PDZRN4: variants seen among roughly 807,000 people sequenced by gnomAD.
PDZRN4 encodes the protein PDZ domain containing ring finger 4.
In PDZRN4, 70 loss-of-function variants were observed where a neutral mutation model predicts 99.0. That is an observed-to-expected ratio of 0.71 (90% CI 0.58 to 0.86). PDZRN4 has a LOEUF of 0.86. PDZRN4 is among the 40% of genes least tolerant of loss of function. PDZRN4 has a pLI of 0.00. For synonymous variants in PDZRN4, 551 were observed against 501.6 expected (o/e 1.10, Z -1.32); for missense variants, 1,474 against 1,331.2 (o/e 1.11, Z -1.67).
chr12:41,377,173 C>A (rs1306270668), intron 3 of PDZRN4, among the ~76,000 whole-genome samples: 1 of 152,110 alleles, frequency 6.6e-6, no homozygotes, highest in Non-Finnish European at 1.5e-5. Context: ...ATGTCTCCAA[C>A]TTTGTTGTTC....
chr12:41,264,421 TC>T (rs1285333484), intron 3 of PDZRN4, among the ~76,000 whole-genome samples: 2 of 152,190 alleles, frequency 1.3e-5, no homozygotes, highest in Admixed American at 6.5e-5. Flanking sequence ...TTTCTTATTT[TC>T]TTTTTATCAT....
At chr12:41,438,145 G>C (rs1314065775) in intron 3 of PDZRN4, 3 of 1,113,392 alleles carry the variant, frequency 2.7e-6, no homozygotes, top group East Asian at 4.9e-5. Context: ...TTGCTGGTTT[G>C]GGGCTTTTAA....
chr12:41,573,116 C>T lies in PDZRN4; in HGVS notation c.2337C>T (p.Thr779=). 1 of 1,614,128 alleles carries T rather than the reference C, an allele frequency of 6.2e-7. No homozygotes were observed. Among genetic ancestry groups the T allele is most frequent in the Non-Finnish European group, 8.5e-7 (1 of 1,180,022 alleles). Residue 779 remains threonine (T), a synonymous_variant, in exon 10 of 10, where the codon ACC becomes ACT. Coordinates refer to ENST00000402685, the MANE Select transcript of PDZRN4 (RefSeq NM_001164595.2). ...KKNLRSTMAA[T]QSSSGQSSKE... Reference sequence around the variant, plus strand: ...ACCTGAGAAGCACAATGGCAGCCACCCAGTCCTCTTCCGGACAGAGCAGTA... The same window carrying T: ...ACCTGAGAAGCACAATGGCAGCCACTCAGTCCTCTTCCGGACAGAGCAGTA...
At chr12:41,507,748 T>C (rs1189656885) in intron 4 of PDZRN4, among the ~76,000 whole-genome samples, 1 of 152,146 alleles carries the variant, frequency 6.6e-6, no homozygotes, top group African/African-American at 2.4e-5. Context: ...TTCTTGAGAC[T>C]TCGAGTTCCA....
intron 3 of PDZRN4, among the ~76,000 whole-genome samples, chr12:41,452,876 G>A (rs1952786855): frequency 6.6e-6 from 1 of 152,076 alleles, no homozygotes; most frequent in African/African-American, 2.4e-5. Context: ...AGGTTAAGTG[G>A]CCCCAGAAAC....
intron 3 of PDZRN4, among the ~76,000 whole-genome samples, chr12:41,293,245 G>T (rs544714610): frequency 3.5e-5 from 5 of 143,392 alleles, no homozygotes; most frequent in Non-Finnish European, 6.2e-5. Context: ...GTGGAATGTG[G>T]GTAGAGGACA....
intron 3 of PDZRN4, among the ~76,000 whole-genome samples, chr12:41,223,250 TAATA>T (rs2120729914): frequency 6.6e-6 from 1 of 152,294 alleles, no homozygotes; most frequent in African/African-American, 2.4e-5. Context: ...ATTTGGAATA[TAATA>T]AATAAATTAC....
At chr12:41,201,084 A>G (rs1375254124) in intron 3 of PDZRN4, among the ~76,000 whole-genome samples, 1 of 151,412 alleles carries the variant, frequency 6.6e-6, no homozygotes, top group Non-Finnish European at 1.5e-5. Flanking sequence ...CTTTATTGGC[A>G]TTATATTTTC....
chr12:41,341,851 C>A (rs989569400), intron 3 of PDZRN4, among the ~76,000 whole-genome samples: 2 of 151,710 alleles, frequency 1.3e-5, no homozygotes, highest in Non-Finnish European at 3.0e-5. Context: ...GACAAAAATT[C>A]TAAAATTCAT....
intron 3 of PDZRN4, among the ~76,000 whole-genome samples, chr12:41,354,467 T>C (rs967535977): frequency 6.6e-6 from 1 of 151,794 alleles, no homozygotes; most frequent in Non-Finnish European, 1.5e-5. Context: ...TTTTTACCTA[T>C]GAGTCTCTTT....
At chr12:41,458,140 C>T (rs185500012) in intron 3 of PDZRN4, among the ~76,000 whole-genome samples, 1 of 152,210 alleles carries the variant, frequency 6.6e-6, no homozygotes, top group East Asian at 1.9e-4. Context: ...AGGTGTTAGT[C>T]TGAGGAGAGT....
At chr12:41,220,942 G>A (rs1950951504) in intron 3 of PDZRN4, among the ~76,000 whole-genome samples, 2 of 152,136 alleles carry the variant, frequency 1.3e-5, no homozygotes, top group South Asian at 4.1e-4. Context: ...TTATGGCTGA[G>A]GCAACATTGT....
At chr12:41,328,742 A>G (rs1951725393) in intron 3 of PDZRN4, among the ~76,000 whole-genome samples, 1 of 152,134 alleles carries the variant, frequency 6.6e-6, no homozygotes, top group Non-Finnish European at 1.5e-5. Context: ...TCTTTCCAGA[A>G]AAGGATAACA....
At chr12:41,503,329 T>C (rs1260762547) in intron 3 of PDZRN4, among the ~76,000 whole-genome samples, 2 of 152,140 alleles carry the variant, frequency 1.3e-5, no homozygotes, top group Non-Finnish European at 2.9e-5. Context: ...CTGTCCTTTT[T>C]TTAAGATTGT....
chr12:41,195,609 A>C (rs962255820), intron 3 of PDZRN4, among the ~76,000 whole-genome samples: 16 of 152,222 alleles, frequency 1.1e-4, no homozygotes, highest in Admixed American at 3.3e-4. Context: ...TTTGCCAAAA[A>C]AAAAACTTTG....
intron 3 of PDZRN4, among the ~76,000 whole-genome samples, chr12:41,394,408 G>A (rs560071638): frequency 1.3e-5 from 2 of 152,274 alleles, no homozygotes; most frequent in East Asian, 3.9e-4. Flanking sequence ...TTGTATGATA[G>A]CAGAATCTAC....
At chr12:41,393,990 A>C (rs946389896) in intron 3 of PDZRN4, among the ~76,000 whole-genome samples, 1 of 152,188 alleles carries the variant, frequency 6.6e-6, no homozygotes. Context: ...TTGAGCCACT[A>C]TATAGCAAAA....
chr12:41,275,694 C>T (rs977923007), intron 3 of PDZRN4, among the ~76,000 whole-genome samples: 9 of 151,942 alleles, frequency 5.9e-5, no homozygotes, highest in African/African-American at 2.2e-4. Flanking sequence ...GGGATTATTA[C>T]ATATAAGGCT....
chr12:41,329,524 C>T lies in PDZRN4; in HGVS notation c.843+135336C>T, dbSNP rs1028840161. 2.6e-5 allele frequency among the ~76,000 whole-genome samples: 4 copies of T among 152,084 alleles called. No homozygotes were observed. In the East Asian group the frequency reaches 7.7e-4, roughly 29 times the overall value. ...ATCTTAGTCACTTTTAATCAGTCCCCTAATTATGTTTTCAAGTCAGTTCAG... is the reference window on the plus strand; with the variant it reads ...ATCTTAGTCACTTTTAATCAGTCCCTTAATTATGTTTTCAAGTCAGTTCAG... On this transcript the variant is annotated intron_variant, in intron 3 of 9. Transcript: ENST00000402685.
Sources: gnomAD v4.1 joint callset for allele counts (sites outside exome capture counted in the v4.1 genomes callset) on GRCh38, gnomAD v4.1.1 for gene constraint, MANE v1.5 for transcripts, NCBI Gene and HGNC (gene_info 2026-07-23, HGNC 2026-07-21) for gene names.